Variants in ZFP90 observed in about 807,000 individuals in gnomAD.
ZFP90 encodes the protein ZFP90 zinc finger protein.
Under a neutral mutation model 60.8 loss-of-function variants are expected in ZFP90, and 38 were observed. The observed-to-expected ratio is 0.62, with a 90% CI of 0.48 to 0.82. The LOEUF (loss-of-function observed/expected upper bound fraction) is 0.82. Among genes scored for constraint, ZFP90 ranks in the 40% least tolerant of loss-of-function variants. The pLI is 0.00. For synonymous variants in ZFP90, 287 were observed against 264.8 expected (o/e 1.08, Z -0.82); for missense variants, 711 against 759.1 (o/e 0.94, Z 0.74).
intron 2 of ZFP90, among the ~76,000 whole-genome samples, chr16:68,546,047 C>A (rs746603378): frequency 6.6e-6 from 1 of 151,524 alleles, no homozygotes; most frequent in African/African-American, 2.4e-5. Context: ...TGGAGGCACA[C>A]GCCTGTAATC....
intron 2 of ZFP90, among the ~76,000 whole-genome samples, chr16:68,542,425 C>G (rs777176950): frequency 1.3e-5 from 2 of 151,952 alleles, no homozygotes; most frequent in Non-Finnish European, 2.9e-5. Flanking sequence ...ACCCTGTTTC[C>G]ACTAAAAATA....
At chr16:68,562,153 G>C (rs1445499968) in intron 4 of ZFP90, 1 of 151,994 alleles carries the variant, frequency 6.6e-6, no homozygotes, top group Non-Finnish European at 1.5e-5. Flanking sequence ...ATTTTTTTCA[G>C]TTTTTAAAAG....
chr16:68,547,263 C>G (rs879779300), intron 2 of ZFP90, among the ~76,000 whole-genome samples: 1 of 152,160 alleles, frequency 6.6e-6, no homozygotes, highest in African/African-American at 2.4e-5. Flanking sequence ...TCCCCCCAAC[C>G]CTTGTTATTT....
chr16:68,558,697 G>GC, intron 4 of ZFP90, 129 bp downstream of exon 4: 2 of 734,084 alleles, frequency 2.7e-6, no homozygotes, highest in Admixed American at 4.8e-5. Context: ...CCATCGCCTG[G>GC]CCGACACCTT....
chr16:68,535,193 C>T (rs148151305), upstream of ZFP90, among the ~76,000 whole-genome samples: 268 of 152,254 alleles, frequency 1.8e-3, no homozygotes, highest in African/African-American at 5.8e-3. Context: ...CACTGTTAGC[C>T]GAGAACCAAT....
chr16:68,569,359 A>C, downstream of ZFP90, among the ~76,000 whole-genome samples: 1 of 149,614 alleles, frequency 6.7e-6, no homozygotes, highest in Non-Finnish European at 1.5e-5. Flanking sequence ...CTAGTCTTGA[A>C]CTCCTGACCT....
intron 2 of ZFP90, among the ~76,000 whole-genome samples, chr16:68,546,363 T>C (rs2091149718): frequency 6.6e-6 from 1 of 151,066 alleles, no homozygotes; most frequent in Non-Finnish European, 1.5e-5. Context: ...ATCTTCAAAA[T>C]TCTTCATCTT....
At position 68,566,951 on chromosome 16, in the gene ZFP90, A is replaced by T. The variant is rs989124319; in HGVS notation, c.*2253A>T. The T allele has an allele frequency of 1.0e-6, 1 of 985,532 alleles. No homozygotes were observed. Among genetic ancestry groups the T allele is most frequent in the African/African-American group, 1.7e-5 (1 of 57,250 alleles). 61.0% of individuals were successfully genotyped at this position (985,532 alleles called of 1,614,324 possible). A position where few individuals can be genotyped will look rare whatever the true frequency, so the allele number is the denominator to read the frequency against. On this transcript the variant is annotated 3_prime_UTR_variant, in exon 5 of 5. Coordinates refer to ENST00000563169, the MANE Select transcript of ZFP90 (RefSeq NM_001305203.2). The stretch of plus-strand genomic sequence containing the variant: ...AGATCCAGCCACCACTCTGAAACTC[A>T]GCACATCTTCATTGACAGGGAGGGA...
rs1555497534 is a variant in ZFP90, at chr16:68,539,678, A to AGGGGCGGAGGTGGGGCGGGGC, written c.-35-72_-35-52dup. 78 of 793,774 alleles carry AGGGGCGGAGGTGGGGCGGGGC rather than the reference A, an allele frequency of 9.8e-5. No homozygotes were observed. In the East Asian group the frequency reaches 1.9e-3, roughly 20 times the overall value. 49.2% of individuals were successfully genotyped at this position (793,774 alleles called of 1,614,324 possible). On this transcript the variant is annotated intron_variant, in intron 1 of 4. Coordinates refer to ENST00000563169, the MANE Select transcript of ZFP90 (RefSeq NM_001305203.2). ...ACCATCTCCCCTGGAGATGTGGTTTAGGGGCGGAGGTGGGGCGGGGCGGGG... is the reference window on the plus strand; with the variant it reads ...ACCATCTCCCCTGGAGATGTGGTTTAGGGGCGGAGGTGGGGCGGGGCGGGGCGGAGGTGGGGCGGGGCGGGG...
rs151268910 is a variant in ZFP90, at chr16:68,549,770, G to C, written c.34-8228G>C. Among the ~76,000 whole-genome samples, 476 of 152,006 alleles carry C rather than the reference G, an allele frequency of 3.1e-3. 4 individuals carry two copies. The highest frequency in any genetic ancestry group is 1.5e-3 in the Non-Finnish European group (103 of 68,002). On this transcript the variant is annotated intron_variant, in intron 2 of 4. Transcript: ENST00000563169. ...GAGATGGGGACCAAATGCTGAAGGG[G>C]GATGGGGAGCACGGAGGATGTGGGG... is the stretch of plus-strand genomic sequence containing the variant.
intron 2 of ZFP90, among the ~76,000 whole-genome samples, chr16:68,546,598 C>G (rs751938478): frequency 1.3e-5 from 2 of 152,206 alleles, no homozygotes; most frequent in African/African-American, 2.4e-5. Context: ...TCACTGCATC[C>G]TCAGCCTCCT....
chr16:68,556,344 G>C (rs2091344210), intron 2 of ZFP90, among the ~76,000 whole-genome samples: 1 of 152,156 alleles, frequency 6.6e-6, no homozygotes, highest in Non-Finnish European at 1.5e-5. Context: ...TGGGATGGTA[G>C]AGGAAAAAGT....
chr16:68,549,523 A>G (rs1461303632), intron 2 of ZFP90, among the ~76,000 whole-genome samples: 3 of 151,714 alleles, frequency 2.0e-5, no homozygotes, highest in Non-Finnish European at 4.4e-5. Flanking sequence ...TAAAAATACA[A>G]AAAAAATTAG....
chr16:68,558,733 C>G (rs2091388118), intron 4 of ZFP90, among the ~76,000 whole-genome samples, 165 bp downstream of exon 4: 1 of 152,204 alleles, frequency 6.6e-6, no homozygotes, highest in African/African-American at 2.4e-5. Context: ...AAAGGGTGCT[C>G]ATGCTCTTGC....
At chr16:68,541,728 T>C (rs2152055192) in intron 2 of ZFP90, among the ~76,000 whole-genome samples, 1 of 152,362 alleles carries the variant, frequency 6.6e-6, no homozygotes, top group Admixed American at 6.5e-5. Flanking sequence ...GAGCACATCA[T>C]GATCGTTATC....
intron 2 of ZFP90, among the ~76,000 whole-genome samples, chr16:68,545,785 A>C (rs1394218992): frequency 6.6e-6 from 1 of 152,258 alleles, no homozygotes; most frequent in Non-Finnish European, 1.5e-5. Context: ...ACTGCACTCC[A>C]ACCTAGGTGA....
intron 2 of ZFP90, among the ~76,000 whole-genome samples, chr16:68,556,847 G>T (rs1002651527): frequency 3.9e-5 from 6 of 152,210 alleles, no homozygotes; most frequent in African/African-American, 1.2e-4. Flanking sequence ...TTGAGATGAT[G>T]CCTGAATAAC....
intron 2 of ZFP90, among the ~76,000 whole-genome samples, chr16:68,572,612 C>T (rs2091574003): frequency 6.6e-6 from 1 of 152,170 alleles, no homozygotes; most frequent in Admixed American, 6.5e-5. Flanking sequence ...AGATGGGCCT[C>T]ATGCTCCTGG....
At chr16:68,534,261 CTG>C (rs1435689428) in intron 2 of ZFP90, among the ~76,000 whole-genome samples, 7 of 138,814 alleles carry the variant, frequency 5.0e-5, no homozygotes, top group African/African-American at 8.2e-5. Context: ...CAGCGTCTCA[CTG>C]TGTAGCTCAG....
Sources: gnomAD v4.1 joint callset for allele counts (sites outside exome capture counted in the v4.1 genomes callset) on GRCh38, gnomAD v4.1.1 for gene constraint, MANE v1.5 for transcripts, NCBI Gene and HGNC (gene_info 2026-07-23, HGNC 2026-07-21) for gene names.